PPP2R2A: variants seen among roughly 807,000 people sequenced by gnomAD.
The protein encoded by PPP2R2A is protein phosphatase 2 regulatory subunit Balpha, also known as serine/threonine-protein phosphatase 2A 55 kDa regulatory subunit B alpha isoform.
Under a neutral mutation model 53.2 loss-of-function variants are expected in PPP2R2A, and 9 were observed. That is an observed-to-expected ratio of 0.17 (90% CI 0.10 to 0.30). The LOEUF (loss-of-function observed/expected upper bound fraction) is 0.30. PPP2R2A is among the 10% of genes least tolerant of loss of function. The pLI is 1.00. For missense variants in PPP2R2A, 235 were observed against 534.6 expected, an observed-to-expected ratio of 0.44 and a Z score of 5.53; for synonymous variants, 169 against 174.2, an observed-to-expected ratio of 0.97 and a Z score of 0.23.
At chr8:26,332,363 C>CA (rs3070132) in intron 2 of PPP2R2A, among the ~76,000 whole-genome samples, 28,087 of 90,742 alleles carry the variant, frequency 0.31, 3,297 homozygotes, top group East Asian at 0.53. Context: ...TCTTTTGTCT[C>CA]AAAAAAAAAA....
At chr8:26,297,403 C>G (rs1801590384) in intron 2 of PPP2R2A, among the ~76,000 whole-genome samples, 1 of 152,116 alleles carries the variant, frequency 6.6e-6, no homozygotes, top group Non-Finnish European at 1.5e-5. Context: ...CCACCGGCCA[C>G]AAAATTATTA....
chr8:26,362,695 A>C lies in PPP2R2A; in HGVS notation c.649A>C (p.Ile217Leu). 1 of 1,613,978 alleles carries C rather than the reference A, an allele frequency of 6.2e-7. No homozygotes were observed. The highest frequency in any genetic ancestry group is 8.5e-7 in the Non-Finnish European group (1 of 1,179,902). Residue 217 changes from isoleucine (I) to leucine (L), a missense_variant, in exon 7 of 10, where the codon ATC becomes CTC. Physicochemically the swap from Ile to Leu is conservative, Grantham distance 5 (BLOSUM62 2). Coordinates refer to ENST00000380737, the MANE Select transcript of PPP2R2A (RefSeq NM_002717.4). The surrounding 1 kb of genome is among the most constrained non-coding windows in gnomAD (Gnocchi z 4.4). ...ITDRSFNIVD[I>L]KPANMEELTE... is the part of the protein sequence containing the mutation. The stretch of plus-strand genomic sequence containing the variant: ...AAAATGTTATCTAGACATTGTGGAT[A>C]TCAAGCCTGCCAATATGGAAGAGCT...
Position 26,370,818 on chromosome 8 carries a change from C to T in PPP2R2A, c.*405C>T, listed in dbSNP as rs866980272. 1.1e-5 allele frequency: 2 copies of T among 183,958 alleles called. No homozygotes were observed. Among genetic ancestry groups the T allele is most frequent in the South Asian group, 2.4e-4 (2 of 8,382 alleles). 11.4% of individuals were successfully genotyped at this position (183,958 alleles called of 1,614,324 possible). ...TACTGTATCATTTGTGGGGTACACC[C>T]CTTCCCCCTTTTTTTAAATTAAATA... On this transcript the variant is annotated 3_prime_UTR_variant, in exon 10 of 10. Transcript: ENST00000380737. This position sits in a 1 kb window ranked among gnomAD's most constrained non-coding sequence, Gnocchi z 6.1.
chr8:26,318,436 AT>A, intron 2 of PPP2R2A, among the ~76,000 whole-genome samples: 1 of 152,292 alleles, frequency 6.6e-6, no homozygotes. Flanking sequence ...GGGTGAAATA[AT>A]TTGATGTCTG....
intron 2 of PPP2R2A, among the ~76,000 whole-genome samples, chr8:26,325,775 G>T (rs890118423): frequency 2.0e-5 from 3 of 152,098 alleles, no homozygotes; most frequent in Non-Finnish European, 4.4e-5. Context: ...CAACTTAATA[G>T]TTTTGTTGTG....
At chr8:26,326,867 A>G (rs1212585559) in intron 2 of PPP2R2A, among the ~76,000 whole-genome samples, 1 of 152,226 alleles carries the variant, frequency 6.6e-6, no homozygotes, top group African/African-American at 2.4e-5. Flanking sequence ...TGTAACAGTT[A>G]TATACCAGGG....
chr8:26,367,608 C>T (rs1805447163), intron 9 of PPP2R2A, among the ~76,000 whole-genome samples: 1 of 152,156 alleles, frequency 6.6e-6, no homozygotes, highest in Non-Finnish European at 1.5e-5. Context: ...TATATTTGTC[C>T]ACATAGGTAC....
At position 26,370,578 on chromosome 8, in the gene PPP2R2A, G is replaced by T; in HGVS notation, c.*165G>T. ...TATAGCTACATGGAGAAAGCTCTGTGGATTCATCACTGTGGTGTTCTCCAT... is the reference window on the plus strand; with the variant it reads ...TATAGCTACATGGAGAAAGCTCTGTTGATTCATCACTGTGGTGTTCTCCAT... On this transcript the variant is annotated 3_prime_UTR_variant, in exon 10 of 10. Transcript: ENST00000380737. The surrounding 1 kb of genome is among the most constrained non-coding windows in gnomAD (Gnocchi z 6.1). 1.3e-6 allele frequency: 1 copy of T among 786,384 alleles called. No homozygotes were observed. The highest frequency in any genetic ancestry group is 2.0e-6 in the Non-Finnish European group (1 of 504,788). The allele number at this position is 786,384 out of a possible 1,614,324, so 48.7% of individuals were successfully genotyped here.
chr8:26,334,086 T>C (rs1803527653), intron 2 of PPP2R2A, among the ~76,000 whole-genome samples: 2 of 152,224 alleles, frequency 1.3e-5, no homozygotes, highest in Non-Finnish European at 2.9e-5. Flanking sequence ...AATGTGTATC[T>C]AAAATTGCTG....
chr8:26,310,605 T>C (rs1425742720), intron 2 of PPP2R2A, among the ~76,000 whole-genome samples: 4 of 151,926 alleles, frequency 2.6e-5, no homozygotes, highest in Non-Finnish European at 5.9e-5. Context: ...GAGAATCTTA[T>C]TGCTTTAGGA....
chr8:26,300,725 G>A (rs1050239336), intron 2 of PPP2R2A, among the ~76,000 whole-genome samples: 5 of 152,064 alleles, frequency 3.3e-5, no homozygotes, highest in South Asian at 2.1e-4. Context: ...GTGGTGGTGC[G>A]CGCCTGTTGT....
At chr8:26,348,020 G>C (rs1194115427) in intron 3 of PPP2R2A, among the ~76,000 whole-genome samples, 1 of 152,020 alleles carries the variant, frequency 6.6e-6, no homozygotes. Context: ...TACCATTTCT[G>C]CCACTGTCCC....
At chr8:26,292,535 A>G (rs1801348836) in intron 1 of PPP2R2A, 1 of 782,792 alleles carries the variant, frequency 1.3e-6, no homozygotes, top group African/African-American at 1.9e-5. Flanking sequence ...TGGTAGAGTT[A>G]GTTAAAATAG....
chr8:26,356,102 G>A (rs963530687), intron 4 of PPP2R2A, among the ~76,000 whole-genome samples: 4 of 151,994 alleles, frequency 2.6e-5, no homozygotes, highest in Admixed American at 1.3e-4. Context: ...TTGGTGCTAG[G>A]GTGAGGGGAA....
chr8:26,359,980 C>G (rs934082756), intron 4 of PPP2R2A, among the ~76,000 whole-genome samples, 189 bp from the exon 5 acceptor site: 2 of 151,316 alleles, frequency 1.3e-5, no homozygotes, highest in African/African-American at 4.9e-5. Flanking sequence ...TGCCACCAAT[C>G]TTTGCACTTT....
At chr8:26,350,056 A>T (rs1389692832) in intron 3 of PPP2R2A, among the ~76,000 whole-genome samples, 3 of 151,846 alleles carry the variant, frequency 2.0e-5, no homozygotes, top group East Asian at 1.9e-4. Flanking sequence ...TTAAGTTTGT[A>T]TTTACTGTTT....
At chr8:26,352,912 A>T (rs998320987) in intron 3 of PPP2R2A, among the ~76,000 whole-genome samples, 2 of 152,192 alleles carry the variant, frequency 1.3e-5, no homozygotes, top group Non-Finnish European at 2.9e-5. Flanking sequence ...AGTTACTTGA[A>T]TGTGGGGATT....
chr8:26,357,031 T>C (rs1274159150), intron 4 of PPP2R2A, among the ~76,000 whole-genome samples: 3 of 152,226 alleles, frequency 2.0e-5, no homozygotes, highest in African/African-American at 7.2e-5. Flanking sequence ...GCTGCATTTT[T>C]TAATGCTAAA....
Position 26,354,395 on chromosome 8 carries a change from G to C in PPP2R2A, c.181-73G>C. On this transcript the variant is annotated intron_variant, in intron 3 of 9. Transcript: ENST00000380737. This position sits in a 1 kb window ranked among gnomAD's most constrained non-coding sequence, Gnocchi z 4.6. ...GTATTGAGAATGTGCAGGGTCCTTTGGAATTGATTACATATTTGATTATTT... is the reference window on the plus strand; with the variant it reads ...GTATTGAGAATGTGCAGGGTCCTTTCGAATTGATTACATATTTGATTATTT... 7.9e-7 allele frequency: 1 copy of C among 1,266,812 alleles called. No homozygotes were observed. Among genetic ancestry groups the C allele is most frequent in the Non-Finnish European group, 1.1e-6 (1 of 935,462 alleles). The allele number at this position is 1,266,812 out of a possible 1,614,324, so 78.5% of individuals were successfully genotyped here. A position where few individuals can be genotyped will look rare whatever the true frequency, so the allele number is the denominator to read the frequency against.
Sources: allele counts gnomAD v4.1 joint callset (sites outside exome capture counted in the v4.1 genomes callset), GRCh38; gene constraint gnomAD v4.1.1; non-coding constraint Gnocchi (gnomAD v3.1); transcripts MANE v1.5; gene names NCBI Gene and HGNC (gene_info 2026-07-23, HGNC 2026-07-21).